The following TNIK variants were observed in gnomAD, a reference collection of about 807,000 sequenced individuals.
TNIK encodes TRAF2 and NCK-interacting protein kinase.
A neutral mutation model predicts 191.3 loss-of-function variants in TNIK; 49 were observed. That is an observed-to-expected ratio of 0.26 (90% CI 0.20 to 0.32). The LOEUF (loss-of-function observed/expected upper bound fraction) is 0.32, where lower values mean the gene tolerates loss of function less well. Ranked by LOEUF, TNIK falls within the 10% of genes least tolerant of loss-of-function variation. The probability of loss-of-function intolerance (pLI) is 1.00; values close to 1 mark genes in which losing one functional copy is unlikely to be tolerated. For missense variants in TNIK, 1,155 were observed against 1,702.3 expected (o/e 0.68, Z 5.66); for synonymous variants, 594 against 600.9 (o/e 0.99, Z 0.17).
chr3:171,240,244 C>A (rs1017955906), intron 2 of TNIK, among the ~76,000 whole-genome samples: 1 of 152,100 alleles, frequency 6.6e-6, no homozygotes, highest in Non-Finnish European at 1.5e-5. Context: ...CTTCTCTTCT[C>A]GAGCAGGTAT....
intron 1 of TNIK, among the ~76,000 whole-genome samples, chr3:171,379,846 TA>T: frequency 6.6e-6 from 1 of 152,016 alleles, no homozygotes. Flanking sequence ...CCATTTCTAC[TA>T]AAAATACAAA....
At chr3:171,426,731 C>G (rs541394700) in intron 1 of TNIK, among the ~76,000 whole-genome samples, 1 of 152,202 alleles carries the variant, frequency 6.6e-6, no homozygotes, top group African/African-American at 2.4e-5. Context: ...CCCTTCTCAC[C>G]ACACTCTGCC....
chr3:171,371,486 G>A (rs1228923298), intron 1 of TNIK, among the ~76,000 whole-genome samples: 5 of 152,216 alleles, frequency 3.3e-5, no homozygotes, highest in African/African-American at 1.2e-4. Context: ...AAAGCCAGAA[G>A]GGCAAGAAAC....
intron 1 of TNIK, among the ~76,000 whole-genome samples, chr3:171,407,031 G>A (rs991017877): frequency 1.3e-5 from 2 of 152,214 alleles, no homozygotes; most frequent in African/African-American, 2.4e-5. Context: ...GAGGGGACAG[G>A]AAGAAGCCCC....
chr3:171,282,622 G>A (rs1305113571), intron 2 of TNIK, among the ~76,000 whole-genome samples: 1 of 152,086 alleles, frequency 6.6e-6, no homozygotes, highest in Admixed American at 6.6e-5. Context: ...GGGATTACAG[G>A]CATGAGCCAC....
chr3:171,367,977 GAAT>G (rs1182279371), intron 2 of TNIK, among the ~76,000 whole-genome samples: 3 of 152,068 alleles, frequency 2.0e-5, no homozygotes, highest in African/African-American at 7.2e-5. Context: ...GAATCCTTTA[GAAT>G]AATAATGTTG....
intron 1 of TNIK, among the ~76,000 whole-genome samples, chr3:171,423,090 C>G (rs1348770918): frequency 2.0e-5 from 3 of 151,988 alleles, no homozygotes; most frequent in Non-Finnish European, 4.4e-5. Flanking sequence ...CTATATAAAT[C>G]TGGGCACCAA....
chr3:171,432,315 G>T (rs566275225), intron 1 of TNIK, among the ~76,000 whole-genome samples: 16 of 152,186 alleles, frequency 1.1e-4, no homozygotes, highest in Admixed American at 1.0e-3. Flanking sequence ...GATAGAGAGG[G>T]AACATACAGC....
At chr3:171,324,329 T>C (rs940275852) in intron 2 of TNIK, among the ~76,000 whole-genome samples, 2 of 152,168 alleles carry the variant, frequency 1.3e-5, no homozygotes, top group Non-Finnish European at 2.9e-5. Context: ...TCTTACAGGC[T>C]TCCTTGGTAT....
intron 2 of TNIK, among the ~76,000 whole-genome samples, chr3:171,334,429 G>A (rs1441305375): frequency 6.6e-6 from 1 of 152,168 alleles, no homozygotes; most frequent in Admixed American, 6.5e-5. Context: ...AGCACAGAAA[G>A]CATCTTCCGG....
At chr3:171,194,439 A>G (rs1403704570) in intron 5 of TNIK, 86 bp downstream of exon 5, 2 of 1,187,878 alleles carry the variant, frequency 1.7e-6, no homozygotes, top group Non-Finnish European at 2.4e-6. Context: ...TTCACTAGAA[A>G]GTCAGAAAAA....
chr3:171,262,589 C>G (rs1303725467), intron 2 of TNIK, among the ~76,000 whole-genome samples: 1 of 152,156 alleles, frequency 6.6e-6, no homozygotes, highest in African/African-American at 2.4e-5. Context: ...CCTGGCTTCT[C>G]AAGAGGAGTG....
chr3:171,312,127 AAAAAAAAAAAAAAAG>A (rs1414030914), intron 2 of TNIK, among the ~76,000 whole-genome samples: 5 of 146,754 alleles, frequency 3.4e-5, no homozygotes, highest in African/African-American at 7.5e-5. Flanking sequence ...AAAAAAAAAA[AAAAAAAAAAAAAAAG>A]GGCTAGACTG....
At chr3:171,450,109 T>C (rs962073838) in intron 1 of TNIK, among the ~76,000 whole-genome samples, 5 of 152,070 alleles carry the variant, frequency 3.3e-5, no homozygotes, top group Non-Finnish European at 7.4e-5. Flanking sequence ...CAGTCTGCAT[T>C]TTTTGGGCCC....
chr3:171,428,007 G>A lies in TNIK; in HGVS notation c.57+32000C>T, dbSNP rs959686427. On this transcript the variant is annotated intron_variant, in intron 1 of 32. Coordinates refer to ENST00000436636, the MANE Select transcript of TNIK (RefSeq NM_015028.4). ...TGTGTGTTTGGTGCTGGGGGCTGGG[G>A]GAGCAGGTCAGGTTTGGCAGGGCCT... is the stretch of plus-strand genomic sequence containing the variant. Among the ~76,000 whole-genome samples the A allele has an allele frequency of 2.0e-5, 3 of 152,238 alleles. No homozygotes were observed. In the East Asian group the frequency reaches 5.8e-4, roughly 29 times the overall value.
intron 4 of TNIK, among the ~76,000 whole-genome samples, chr3:171,196,298 G>C (rs1738660073): frequency 6.6e-6 from 1 of 152,150 alleles, no homozygotes; most frequent in African/African-American, 2.4e-5. Flanking sequence ...GACTCAGGCA[G>C]TGATCATCAA....
At chr3:171,155,730 C>T (rs369548365) in intron 12 of TNIK, among the ~76,000 whole-genome samples, 23 of 152,342 alleles carry the variant, frequency 1.5e-4, no homozygotes, top group African/African-American at 5.5e-4. Context: ...CTGTTGGCCA[C>T]AGATTCTGTG....
intron 4 of TNIK, among the ~76,000 whole-genome samples, chr3:171,199,461 GATA>G (rs1233109014): frequency 8.5e-5 from 13 of 152,202 alleles, no homozygotes; most frequent in African/African-American, 2.9e-4. Flanking sequence ...TTTATACTGG[GATA>G]ATAATACTTT....
At chr3:171,125,806 G>A (rs1560149579) in intron 17 of TNIK, 106 bp downstream of exon 17, 6 of 1,494,644 alleles carry the variant, frequency 4.0e-6, no homozygotes, top group Non-Finnish European at 5.4e-6. Context: ...AAGGGGAAGT[G>A]CTTTGGCATG....
Sources: gnomAD v4.1 joint callset for allele counts (sites outside exome capture counted in the v4.1 genomes callset) on GRCh38, gnomAD v4.1.1 for gene constraint, MANE v1.5 for transcripts, NCBI Gene and HGNC (gene_info 2026-07-23, HGNC 2026-07-21) for gene names.